The following TKT variants were observed in gnomAD, a reference collection of about 807,000 sequenced individuals.
The protein encoded by TKT is transketolase.
A neutral mutation model predicts 63.9 loss-of-function variants in TKT; 47 were observed. The ratio of observed to expected loss-of-function variants is 0.74; its 90% CI spans 0.58 to 0.94. The LOEUF (loss-of-function observed/expected upper bound fraction) is 0.94. Among genes scored for constraint, TKT ranks in the 40% least tolerant of loss-of-function variants. The pLI is 0.00. For missense variants in TKT, 721 were observed against 846.2 expected (o/e 0.85, Z 1.84); for synonymous variants, 338 against 334.1 (o/e 1.01, Z -0.13).
Position 53,235,039 on chromosome 3 carries a change from G to A in TKT, c.573C>T (p.Asp191=). 1.2e-6 allele frequency: 2 copies of A among 1,613,968 alleles called. No individual in the cohort carries two copies. The highest frequency in any genetic ancestry group is 1.1e-5 in the South Asian group (1 of 91,072). The change falls in exon 5 of 14, where the codon GAC becomes GAT. Residue 191 remains aspartate, a synonymous_variant. Transcript: ENST00000462138. ...ILDINRLGQS[D]PAPLQHQMDI... is the part of the protein sequence containing the mutation. Reference sequence around the variant, plus strand: ...CCATCTGGTGCTGCAGTGGGGCCGGGTCACTCTGGCCCAGGCGATTGATGT... The same window carrying A: ...CCATCTGGTGCTGCAGTGGGGCCGGATCACTCTGGCCCAGGCGATTGATGT...
chr3:53,248,683 C>T (rs987889886), intron 1 of TKT, among the ~76,000 whole-genome samples: 1 of 151,964 alleles, frequency 6.6e-6, no homozygotes, highest in Non-Finnish European at 1.5e-5. Context: ...CATGGATGAC[C>T]CTCTAAAAAT....
chr3:53,244,022 C>T (rs1296205494), intron 1 of TKT, among the ~76,000 whole-genome samples: 2 of 152,174 alleles, frequency 1.3e-5, no homozygotes, highest in Non-Finnish European at 2.9e-5. Flanking sequence ...GGCACAGGCT[C>T]TTTCTGTGTG....
intron 6 of TKT, chr3:53,232,737 A>C: frequency 2.5e-6 from 1 of 399,840 alleles, no homozygotes; most frequent in Non-Finnish European, 4.4e-6. Context: ...TACCCCACTC[A>C]CCTCCTGGAG....
At chr3:53,237,410 A>C (rs72957562) in intron 4 of TKT, among the ~76,000 whole-genome samples, 389 of 149,670 alleles carry the variant, frequency 2.6e-3, no homozygotes, top group African/African-American at 9.1e-3. Flanking sequence ...CAAAACAAAA[A>C]AAACCAGCTC....
intron 1 of TKT, among the ~76,000 whole-genome samples, chr3:53,244,338 G>A (rs1705415395): frequency 6.6e-6 from 1 of 152,194 alleles, no homozygotes; most frequent in African/African-American, 2.4e-5. Flanking sequence ...TGCCACTTGG[G>A]CTTCGTGACT....
At chr3:53,241,795 C>T (rs1361843357) in intron 2 of TKT, 3 of 345,466 alleles carry the variant, frequency 8.7e-6, no homozygotes, top group African/African-American at 2.1e-5. Context: ...CAACCCAGAC[C>T]GAGATGCCAG....
Position 53,242,955 on chromosome 3 carries a change from T to C in TKT, c.108-713A>G, listed in dbSNP as rs555187390. On this transcript the variant is annotated intron_variant, in intron 1 of 13. Transcript: ENST00000462138. ...GAAATGGGCAGTTTGAGGGCTGCTG[T>C]AGCAACTAGGAAACAGGCTTTTGTG... Among the ~76,000 whole-genome samples the C allele has an allele frequency of 2.8e-4, 42 of 152,270 alleles. No homozygotes were observed. The Middle Eastern group carries it at 0.01, about 37-fold the overall frequency.
intron 10 of TKT, chr3:53,228,760 A>G: frequency 1.7e-6 from 1 of 584,752 alleles, no homozygotes; most frequent in Non-Finnish European, 3.0e-6. Flanking sequence ...CAACCGCTGG[A>G]CCGGCCAGGG....
intron 1 of TKT, among the ~76,000 whole-genome samples, chr3:53,247,553 T>C (rs1167924265): frequency 6.9e-6 from 1 of 145,342 alleles, no homozygotes; most frequent in Non-Finnish European, 1.5e-5. Flanking sequence ...GGCAGGAGAA[T>C]TGCTTGAACC....
chr3:53,233,111 C>T (rs1704843071), intron 6 of TKT, 45 bp downstream of exon 6: 2 of 1,551,634 alleles, frequency 1.3e-6, no homozygotes, highest in South Asian at 2.3e-5. Flanking sequence ...GCCACAGTGT[C>T]TGGGCGAGGG....
intron 1 of TKT, among the ~76,000 whole-genome samples, chr3:53,253,705 A>G (rs548722323): frequency 2.6e-5 from 4 of 152,310 alleles, no homozygotes; most frequent in Non-Finnish European, 5.9e-5. Context: ...CAGAGGTTGC[A>G]GTGAGCCAAG....
chr3:53,228,149 C>T lies in TKT; in HGVS notation c.1480G>A (p.Val494Met), dbSNP rs782175302. 6 of 1,614,098 alleles carry T rather than the reference C, an allele frequency of 3.7e-6. No individual in the cohort carries two copies. Among genetic ancestry groups the T allele is most frequent in the Non-Finnish European group, 4.2e-6 (5 of 1,180,000 alleles). ...NEDFQVGQAK[V>M]VLKSKDDQVT... ...TGGTCATCCTTGCTCTTCAGGACCA[C>T]CTGGGGGTGACACAGAGGGTGAGTA... Residue 494 changes from valine to methionine, a missense_variant and splice_region_variant, in exon 12 of 14, where the codon GTG becomes ATG. Coordinates refer to ENST00000462138, the MANE Select transcript of TKT (RefSeq NM_001064.4).
At position 53,225,617 on chromosome 3, in the gene TKT, C is replaced by A; in HGVS notation, c.*139G>T. On this transcript the variant is annotated 3_prime_UTR_variant, in exon 14 of 14. Transcript: ENST00000462138. Reference sequence around the variant, plus strand: ...CCCCAGAACCTGCACTGGCTGCAAACACATCAAAAAAGAAAACATTTCAGG... The same window carrying A: ...CCCCAGAACCTGCACTGGCTGCAAAAACATCAAAAAAGAAAACATTTCAGG... 9.2e-7 allele frequency: 1 copy of A among 1,081,390 alleles called. No individual in the cohort carries two copies. The allele number at this position is 1,081,390 out of a possible 1,614,324, so 67.0% of individuals were successfully genotyped here. A position where few individuals can be genotyped will look rare whatever the true frequency, so the allele number is the denominator to read the frequency against.
At chr3:53,228,758 G>A (rs912901848) in intron 10 of TKT, 3 of 582,548 alleles carry the variant, frequency 5.1e-6, no homozygotes, top group Non-Finnish European at 9.0e-6. Context: ...GTCAACCGCT[G>A]GACCGGCCAG....
At chr3:53,226,953 G>A in intron 12 of TKT, 75 bp from the exon 13 acceptor site, 2 of 1,526,244 alleles carry the variant, frequency 1.3e-6, no homozygotes, top group South Asian at 1.3e-5. Flanking sequence ...GGCCTGGTGG[G>A]ACATCCTGAG....
chr3:53,232,483 GC>G (rs1227296140), intron 6 of TKT: 2 of 398,890 alleles, frequency 5.0e-6, no homozygotes, highest in African/African-American at 2.1e-5. Context: ...CCTGGGATCA[GC>G]CCCCCTCGTG....
At chr3:53,226,540 G>A (rs1704504146) in intron 13 of TKT, 1 of 581,978 alleles carries the variant, frequency 1.7e-6, no homozygotes, top group Non-Finnish European at 2.9e-6. Flanking sequence ...CTGGGCAGCA[G>A]GAGCTCCACA....
At chr3:53,242,402 A>G (rs1165267567) in intron 1 of TKT, among the ~76,000 whole-genome samples, 160 bp from the exon 2 acceptor site, 1 of 152,108 alleles carries the variant, frequency 6.6e-6, no homozygotes. Flanking sequence ...AGGGTGACAC[A>G]TGGTCTCAAG....
At chr3:53,232,752 C>G (rs1236080383) in intron 6 of TKT, 4 of 403,878 alleles carry the variant, frequency 9.9e-6, no homozygotes, top group Non-Finnish European at 1.7e-5. Flanking sequence ...CTGGAGGGAA[C>G]AGTTCTCTCC....
Sources: gnomAD v4.1 joint callset for allele counts (sites outside exome capture counted in the v4.1 genomes callset) on GRCh38, gnomAD v4.1.1 for gene constraint, MANE v1.5 for transcripts, NCBI Gene and HGNC (gene_info 2026-07-23, HGNC 2026-07-21) for gene names.